Variants in PEBP4 observed in about 807,000 individuals in gnomAD.
PEBP4 encodes the protein phosphatidylethanolamine binding protein 4.
A neutral mutation model predicts 23.9 loss-of-function variants in PEBP4; 22 were observed. The observed-to-expected ratio is 0.92, with a 90% confidence interval of 0.66 to 1.31. The LOEUF is 1.31. PEBP4 is among the 40% of genes most tolerant of loss of function. The probability of loss-of-function intolerance (pLI) is 0.00; values close to 1 mark genes in which losing one functional copy is unlikely to be tolerated. For synonymous variants in PEBP4, 112 were observed against 99.3 expected (o/e 1.13, Z -0.76); for missense variants, 324 against 281.7 (o/e 1.15, Z -1.07).
chr8:22,806,614 CAAAAA>C lies in PEBP4; in HGVS notation c.357+11018_357+11022del, dbSNP rs55944201. Among the ~76,000 whole-genome samples, 320 of 85,878 alleles carry C rather than the reference CAAAAA, an allele frequency of 3.7e-3. 3 individuals carry two copies. The highest frequency in any genetic ancestry group is 0.013 in the African/African-American group (301 of 23,892). The allele number at this position is 85,878 out of a possible 152,430, so 56.3% of individuals were successfully genotyped here. ...TGGGTGACAGAGCAAGACTGTGTCTCAAAAAAAAAAAAAAAAAAAGATATAAACAA... is the reference window on the plus strand; with the variant it reads ...TGGGTGACAGAGCAAGACTGTGTCTCAAAAAAAAAAAAAAGATATAAACAA... On this transcript the variant is annotated intron_variant, in intron 4 of 6. Coordinates refer to ENST00000256404, the MANE Select transcript of PEBP4 (RefSeq NM_144962.3).
At chr8:22,922,130 G>A (rs540036480) in intron 2 of PEBP4, among the ~76,000 whole-genome samples, 9 of 152,336 alleles carry the variant, frequency 5.9e-5, no homozygotes, top group African/African-American at 2.2e-4. Context: ...AGGGAACCAG[G>A]GATTTGGGTC....
chr8:22,786,212 T>C (rs1366271175), intron 4 of PEBP4, among the ~76,000 whole-genome samples: 2 of 152,208 alleles, frequency 1.3e-5, no homozygotes, highest in Non-Finnish European at 2.9e-5. Flanking sequence ...ACATTATGTA[T>C]TCTGGGGCTT....
chr8:22,924,706 A>T, intron 2 of PEBP4: 1 of 985,350 alleles, frequency 1.0e-6, no homozygotes, highest in Non-Finnish European at 1.2e-6. Flanking sequence ...ACTGGATGGC[A>T]GCAGCAGGTG....
chr8:22,764,212 C>T (rs752643612), intron 4 of PEBP4, among the ~76,000 whole-genome samples: 44 of 152,070 alleles, frequency 2.9e-4, no homozygotes, highest in Non-Finnish European at 5.6e-4. Flanking sequence ...TAGAGTGGTC[C>T]CAAGTATGTT....
At chr8:22,913,947 T>C (rs917385889) in intron 3 of PEBP4, among the ~76,000 whole-genome samples, 1 of 151,394 alleles carries the variant, frequency 6.6e-6, no homozygotes, top group Non-Finnish European at 1.5e-5. Flanking sequence ...GCCTCCCCAG[T>C]ACCTAGGACT....
Position 22,927,905 on chromosome 8 carries a change from T to G in PEBP4, c.-89A>C. On this transcript the variant is annotated 5_prime_UTR_variant, in exon 1 of 7. Coordinates refer to ENST00000256404, the MANE Select transcript of PEBP4 (RefSeq NM_144962.3). ...GTCCACCACCCGGACACAAGTACTT[T>G]GGGAGGACTGGGCCTCTTCCAAGTT... 1.6e-6 allele frequency: 1 copy of G among 608,972 alleles called. No individual in the cohort carries two copies. Among genetic ancestry groups the G allele is most frequent in the Non-Finnish European group, 2.8e-6 (1 of 363,260 alleles). The allele number at this position is 608,972 out of a possible 1,614,324, so 37.7% of individuals were successfully genotyped here.
In PEBP4 at chr8:22,927,641, T is replaced by A; in HGVS notation, c.74A>T (p.Asp25Val). The A allele has an allele frequency of 2.5e-6, 4 of 1,614,008 alleles. No individual in the cohort carries two copies. Among genetic ancestry groups the A allele is most frequent in the Non-Finnish European group, 3.4e-6 (4 of 1,179,912 alleles). ...GLMMVVTGDEDENSPCAHEAL... is the reference protein window; with the variant it reads ...GLMMVVTGDEVENSPCAHEAL... ...CTCATGGGCACACGGGCTGTTCTCA[T>A]CCTCGTCTCCAGTGACCACCATCAT... Residue 25 changes from aspartate to valine, a missense_variant, in exon 2 of 7, where the codon GAT (aspartate) becomes GTT (valine). Coordinates refer to ENST00000256404, the MANE Select transcript of PEBP4 (RefSeq NM_144962.3).
chr8:22,874,758 C>A (rs564644499), intron 3 of PEBP4, among the ~76,000 whole-genome samples: 1 of 152,120 alleles, frequency 6.6e-6, no homozygotes, highest in Non-Finnish European at 1.5e-5. Flanking sequence ...AATAACGCAG[C>A]GCTTCTGTTC....
At chr8:22,937,405 G>C (rs1471038608) in intron 1 of PEBP4, among the ~76,000 whole-genome samples, 3 of 152,136 alleles carry the variant, frequency 2.0e-5, no homozygotes, top group Non-Finnish European at 4.4e-5. Flanking sequence ...CTTGCACACT[G>C]AAACTACAAA....
chr8:22,938,195 C>T (rs1356896060), intron 1 of PEBP4, among the ~76,000 whole-genome samples: 2 of 152,112 alleles, frequency 1.3e-5, no homozygotes, highest in Non-Finnish European at 2.9e-5. Context: ...TCTCTAGAAC[C>T]CCCTTCGACA....
intron 4 of PEBP4, among the ~76,000 whole-genome samples, chr8:22,753,445 T>C (rs950593560): frequency 1.3e-5 from 2 of 152,202 alleles, no homozygotes; most frequent in African/African-American, 4.8e-5. Flanking sequence ...CTTGAAAATA[T>C]AATTTTCTTC....
chr8:22,893,095 T>G (rs1370802879), intron 3 of PEBP4, among the ~76,000 whole-genome samples: 1 of 152,122 alleles, frequency 6.6e-6, no homozygotes, highest in African/African-American at 2.4e-5. Context: ...AATAATTCCC[T>G]GAAAGAAACA....
At position 22,863,316 on chromosome 8, in the gene PEBP4, A is replaced by G. The variant is rs1807819641; in HGVS notation, c.259-45581T>C. On this transcript the variant is annotated intron_variant, in intron 3 of 6. Coordinates refer to ENST00000256404, the MANE Select transcript of PEBP4 (RefSeq NM_144962.3). ...GTCCTAAGGGCCATTATCCAAGCCC[A>G]TCTTCTGCACAGCTGGCTCCAATTG... Among the ~76,000 whole-genome samples, 3 of 152,172 alleles carry G rather than the reference A, an allele frequency of 2.0e-5. No homozygotes were observed. In the South Asian group the frequency reaches 6.2e-4, roughly 32 times the overall value.
At chr8:22,801,886 T>C (rs901837130) in intron 4 of PEBP4, among the ~76,000 whole-genome samples, 3 of 152,128 alleles carry the variant, frequency 2.0e-5, no homozygotes, top group Non-Finnish European at 2.9e-5. Context: ...TTGCTTAAGA[T>C]AGCACCTGTT....
chr8:22,846,957 T>C (rs564244083), intron 3 of PEBP4, among the ~76,000 whole-genome samples: 39 of 151,040 alleles, frequency 2.6e-4, no homozygotes, highest in Non-Finnish European at 3.0e-4. Context: ...AGCCCAAGAG[T>C]TTGAAACCAG....
intron 6 of PEBP4, among the ~76,000 whole-genome samples, 165 bp from the exon 7 acceptor site, chr8:22,713,701 T>C (rs945685537): frequency 1.3e-5 from 2 of 152,068 alleles, no homozygotes; most frequent in Non-Finnish European, 2.9e-5. Flanking sequence ...GTTGCAGAGG[T>C]AGCCCCCAGA....
chr8:22,884,260 GA>G (rs1808325304), intron 3 of PEBP4: 1 of 152,176 alleles, frequency 6.6e-6, no homozygotes, highest in African/African-American at 2.4e-5. Context: ...AAGCAGTTAT[GA>G]AGGTTGAAGA....
chr8:22,921,852 C>T (rs1386636767), intron 2 of PEBP4, among the ~76,000 whole-genome samples: 1 of 152,126 alleles, frequency 6.6e-6, no homozygotes, highest in African/African-American at 2.4e-5. Context: ...TCCTTGCTGC[C>T]GCAGCTAGCG....
intron 3 of PEBP4, among the ~76,000 whole-genome samples, chr8:22,919,825 G>A (rs568021023): frequency 6.6e-6 from 1 of 152,078 alleles, no homozygotes; most frequent in African/African-American, 2.4e-5. Context: ...CCCATACCAC[G>A]CCTTCTTCCA....
Sources: gnomAD v4.1 joint callset for allele counts (sites outside exome capture counted in the v4.1 genomes callset) on GRCh38, gnomAD v4.1.1 for gene constraint, MANE v1.5 for transcripts, NCBI Gene and HGNC (gene_info 2026-07-23, HGNC 2026-07-21) for gene names.